PCDHA11: variants seen among roughly 807,000 people sequenced by gnomAD.
PCDHA11 encodes protocadherin alpha 11.
A neutral mutation model predicts 70.3 loss-of-function variants in PCDHA11; 61 were observed. The ratio of observed to expected loss-of-function variants is 0.87; its 90% confidence interval spans 0.71 to 1.07. The LOEUF (loss-of-function observed/expected upper bound fraction) is 1.07. Among genes scored for constraint, PCDHA11 ranks in the 50% least tolerant of loss-of-function variants. The pLI is 0.00. For synonymous variants in PCDHA11, 633 were observed against 555.1 expected (o/e 1.14, Z -1.97); for missense variants, 1,324 against 1,237.5 (o/e 1.07, Z -1.05).
chr5:140,915,665 G>A (rs1208319882), intron 1 of PCDHA11, among the ~76,000 whole-genome samples: 1 of 149,092 alleles, frequency 6.7e-6, no homozygotes, highest in African/African-American at 2.5e-5. Context: ...TCAAGGTGCT[G>A]GGCCATCTTG....
At position 140,877,504 on chromosome 5, in the gene PCDHA11, A is replaced by T. The variant is rs532509235; in HGVS notation, c.2391+6010A>T. The T allele has an allele frequency of 1.1e-5, 18 of 1,613,764 alleles. No individual in the cohort carries two copies. The South Asian group carries it at 1.3e-4, about 12-fold the overall frequency. On this transcript the variant is annotated intron_variant, in intron 1 of 3. Coordinates refer to ENST00000398640, the MANE Select transcript of PCDHA11 (RefSeq NM_018902.5). ...GGTGGAGAACGGCCAGGCCCCAAAG[A>T]CGTCGTCGCGGGCCTCAGTGGGCGC...
At chr5:140,926,722 C>A in intron 1 of PCDHA11, 1 of 1,027,126 alleles carries the variant, frequency 9.7e-7, no homozygotes, top group East Asian at 3.0e-5. Flanking sequence ...CCCGGCAATG[C>A]CGGCGTTCGG....
In PCDHA11 at chr5:140,871,323, CT is replaced by C. The variant is rs2052977645; in HGVS notation, c.2221del (p.Ser741ProfsTer37). 6.2e-7 allele frequency: 1 copy of C among 1,614,102 alleles called. No homozygotes were observed. Among genetic ancestry groups the C allele is most frequent in the Non-Finnish European group, 8.5e-7 (1 of 1,180,022 alleles). ...CAPGKPTLVC[S>X]RAVGSWSYSQ... is the part of the protein sequence containing the mutation. ...CGCCGGGGAAGCCCACGCTGGTGTG[CT>C]CCCGCGCGGTGGGGAGCTGGTCATA... is the stretch of plus-strand genomic sequence containing the variant. On this transcript the variant is annotated frameshift_variant, in exon 1 of 4. Transcript: ENST00000398640. LOFTEE classifies it high-confidence loss of function.
At chr5:140,873,843 T>C (rs2054523917) in intron 1 of PCDHA11, among the ~76,000 whole-genome samples, 1 of 152,144 alleles carries the variant, frequency 6.6e-6, no homozygotes, top group Non-Finnish European at 1.5e-5. Context: ...GTATTTTTAG[T>C]AGAGATGGGT....
intron 3 of PCDHA11, among the ~76,000 whole-genome samples, chr5:141,002,832 C>T (rs147080489): frequency 1.2e-4 from 18 of 152,242 alleles, no homozygotes; most frequent in Admixed American, 2.6e-4. Context: ...GTAAATGGCC[C>T]AGGACTATGC....
Position 141,010,029 on chromosome 5 carries a change from A to G in PCDHA11, c.*92A>G, listed in dbSNP as rs2098415771. 1.1e-5 allele frequency: 17 copies of G among 1,580,452 alleles called. No individual in the cohort carries two copies. In the Admixed American group the frequency reaches 3.1e-4, roughly 29 times the overall value. On this transcript the variant is annotated 3_prime_UTR_variant, in exon 4 of 4. Coordinates refer to ENST00000398640, the MANE Select transcript of PCDHA11 (RefSeq NM_018902.5). ...AATTCCCTGCTCCTTTTTCCTATCT[A>G]CATGAGCCCTCTTAGAGACCTCAGA...
In PCDHA11 at chr5:141,009,850, C is replaced by A; in HGVS notation, c.2763C>A (p.Thr921=). The A allele has an allele frequency of 1.2e-6, 2 of 1,613,572 alleles. No individual in the cohort carries two copies. Among genetic ancestry groups the A allele is most frequent in the Non-Finnish European group, 1.7e-6 (2 of 1,179,906 alleles). ...DFITFGKKEE[T]KKKKKKKKGN... ...TAACCTTCGGCAAAAAGGAGGAGAC[C>A]AAGAAAAAGAAGAAAAAGAAGAAGG... The change falls in exon 4 of 4, where the codon ACC becomes ACA. Residue 921 remains threonine (T), a synonymous_variant. Coordinates refer to ENST00000398640, the MANE Select transcript of PCDHA11 (RefSeq NM_018902.5).
intron 1 of PCDHA11, among the ~76,000 whole-genome samples, chr5:140,971,092 G>A (rs1263264725): frequency 2.0e-5 from 3 of 152,168 alleles, no homozygotes; most frequent in Non-Finnish European, 4.4e-5. Flanking sequence ...ACAAATTCTT[G>A]TGAAGCCCTT....
At chr5:140,996,831 T>C (rs1196344709) in intron 3 of PCDHA11, among the ~76,000 whole-genome samples, 1 of 152,204 alleles carries the variant, frequency 6.6e-6, no homozygotes, top group Non-Finnish European at 1.5e-5. Flanking sequence ...CTACCAATAA[T>C]TTAGCGTGCA....
intron 1 of PCDHA11, among the ~76,000 whole-genome samples, chr5:140,977,966 G>A (rs562447024): frequency 3.9e-5 from 6 of 152,004 alleles, no homozygotes; most frequent in South Asian, 4.2e-4. Context: ...CTCAATCTCC[G>A]CCCATGAAAA....
intron 1 of PCDHA11, among the ~76,000 whole-genome samples, chr5:140,918,920 G>A (rs1470075085): frequency 6.6e-6 from 1 of 152,204 alleles, no homozygotes; most frequent in Non-Finnish European, 1.5e-5. Context: ...TAACTACACA[G>A]CATATGGCAT....
At chr5:140,902,038 A>G (rs900077287) in intron 1 of PCDHA11, among the ~76,000 whole-genome samples, 13 of 152,040 alleles carry the variant, frequency 8.6e-5, no homozygotes, top group African/African-American at 2.9e-4. Context: ...TAATTTTTGT[A>G]TGTTGATTTT....
At chr5:141,002,797 G>A (rs1025670333) in intron 3 of PCDHA11, among the ~76,000 whole-genome samples, 2 of 152,190 alleles carry the variant, frequency 1.3e-5, no homozygotes, top group African/African-American at 4.8e-5. Context: ...TATGGATGAG[G>A]AAACTGAGGC....
At chr5:140,905,958 G>T (rs1554192269) in intron 1 of PCDHA11, among the ~76,000 whole-genome samples, 1 of 152,184 alleles carries the variant, frequency 6.6e-6, no homozygotes, top group Non-Finnish European at 1.5e-5. Context: ...GATGTTCAAG[G>T]GGAGGAAGAT....
chr5:140,927,193 C>A, intron 1 of PCDHA11: 1 of 1,614,186 alleles, frequency 6.2e-7, no homozygotes, highest in Non-Finnish European at 8.5e-7. Context: ...CGACCTGGTG[C>A]TCGAGGACCC....
intron 1 of PCDHA11, among the ~76,000 whole-genome samples, chr5:140,939,244 A>AG: frequency 6.6e-6 from 1 of 152,270 alleles, no homozygotes; most frequent in Admixed American, 6.5e-5. Flanking sequence ...GGAGCAAGGT[A>AG]GCTCTCTGGA....
rs547873702 is a variant in PCDHA11 at position 140,879,516 on chromosome 5, T to C, written c.2391+8022T>C. 3.3e-5 allele frequency among the ~76,000 whole-genome samples: 5 copies of C among 152,322 alleles called. No homozygotes were observed. The East Asian group carries it at 7.7e-4, about 23-fold the overall frequency. On this transcript the variant is annotated intron_variant, in intron 1 of 3. Transcript: ENST00000398640. The stretch of plus-strand genomic sequence containing the variant: ...TGGATCTCAGAAGAGATTATTGATA[T>C]AGATTTTGGGAACAACTCCTTTAGA...
At chr5:140,899,753 T>G (rs2067532965) in intron 1 of PCDHA11, among the ~76,000 whole-genome samples, 1 of 152,244 alleles carries the variant, frequency 6.6e-6, no homozygotes, top group African/African-American at 2.4e-5. Flanking sequence ...TCAGAAGGAA[T>G]GGTACCAGTT....
At chr5:140,995,342 A>G (rs2097678065) in intron 3 of PCDHA11, among the ~76,000 whole-genome samples, 1 of 152,122 alleles carries the variant, frequency 6.6e-6, no homozygotes, top group African/African-American at 2.4e-5. Flanking sequence ...TGTAGACGGC[A>G]TGGATAGGTC....
Sources: gnomAD v4.1 joint callset for allele counts (sites outside exome capture counted in the v4.1 genomes callset) on GRCh38, gnomAD v4.1.1 for gene constraint, MANE v1.5 for transcripts, NCBI Gene and HGNC (gene_info 2026-07-23, HGNC 2026-07-21) for gene names.